CLDN10: variants seen among roughly 807,000 people sequenced by gnomAD.
CLDN10 encodes the protein claudin 10, also known as claudin-10.
In CLDN10, 15 loss-of-function variants were observed where a neutral mutation model predicts 22.9. That is an observed-to-expected ratio of 0.65 (90% CI 0.44 to 1.01). CLDN10 has a LOEUF of 1.01. Ranked by LOEUF, CLDN10 falls within the 50% of genes least tolerant of loss-of-function variation. The pLI, the probability that CLDN10 is intolerant of heterozygous loss-of-function variation, is 0.00. For synonymous variants in CLDN10, 114 were observed against 111.4 expected (o/e 1.02, Z -0.15); for missense variants, 247 against 287.8 (o/e 0.86, Z 1.03).
chr13:95,523,947 T>C (rs2043248554), intron 1 of CLDN10, among the ~76,000 whole-genome samples: 1 of 152,222 alleles, frequency 6.6e-6, no homozygotes, highest in South Asian at 2.1e-4. Flanking sequence ...CAAAATTACC[T>C]TGGTTGGGAA....
intron 1 of CLDN10, among the ~76,000 whole-genome samples, chr13:95,437,565 A>G (rs532606059): frequency 1.3e-5 from 2 of 152,210 alleles, no homozygotes; most frequent in Non-Finnish European, 2.9e-5. Flanking sequence ...ACCTTGGGAC[A>G]GGGGCTGGAT....
chr13:95,497,845 G>T (rs1375233251), intron 1 of CLDN10, among the ~76,000 whole-genome samples: 1 of 151,526 alleles, frequency 6.6e-6, no homozygotes, highest in African/African-American at 2.4e-5. Context: ...TGGAAGGAAA[G>T]AAAAAATCAA....
intron 1 of CLDN10, among the ~76,000 whole-genome samples, chr13:95,517,469 G>T (rs1448918900): frequency 6.6e-6 from 1 of 152,172 alleles, no homozygotes; most frequent in Non-Finnish European, 1.5e-5. Context: ...GTTCCAAAGG[G>T]AACTAAGACA....
intron 3 of CLDN10, among the ~76,000 whole-genome samples, chr13:95,575,919 T>G (rs964351323): frequency 6.6e-6 from 1 of 152,134 alleles, no homozygotes; most frequent in African/African-American, 2.4e-5. Context: ...AATACTGAGG[T>G]TCACTAAAAT....
chr13:95,473,671 G>A (rs866381088), intron 1 of CLDN10, among the ~76,000 whole-genome samples: 3 of 152,224 alleles, frequency 2.0e-5, no homozygotes, highest in Non-Finnish European at 2.9e-5. Flanking sequence ...GCTGAGGACC[G>A]GGTGCCGTCC....
At chr13:95,448,344 C>T (rs1339548444) in intron 1 of CLDN10, among the ~76,000 whole-genome samples, 1 of 152,106 alleles carries the variant, frequency 6.6e-6, no homozygotes, top group African/African-American at 2.4e-5. Context: ...TGTGCATTCA[C>T]CATACAGGCA....
intron 3 of CLDN10, among the ~76,000 whole-genome samples, chr13:95,573,629 G>A (rs1322945796): frequency 6.6e-6 from 1 of 152,044 alleles, no homozygotes; most frequent in Non-Finnish European, 1.5e-5. Context: ...AACTGGAGTG[G>A]ATATTATGTT....
At chr13:95,560,791 T>TG (rs2043699796) in intron 3 of CLDN10, 1 of 232,198 alleles carries the variant, frequency 4.3e-6, no homozygotes, top group Non-Finnish European at 8.5e-6. Context: ...GAAAGAATGA[T>TG]GCGGTGTGCG....
intron 1 of CLDN10, among the ~76,000 whole-genome samples, chr13:95,450,924 C>T (rs984039782): frequency 6.6e-6 from 1 of 152,242 alleles, no homozygotes; most frequent in Non-Finnish European, 1.5e-5. Flanking sequence ...GCGTTGAGAG[C>T]ATTTACTCTG....
At chr13:95,439,811 AAAT>A (rs1022403594) in intron 1 of CLDN10, among the ~76,000 whole-genome samples, 1 of 152,232 alleles carries the variant, frequency 6.6e-6, no homozygotes, top group Non-Finnish European at 1.5e-5. Flanking sequence ...GTCCGTGATT[AAAT>A]AATAATAGTA....
intron 1 of CLDN10, among the ~76,000 whole-genome samples, chr13:95,453,638 T>TGCACCACTGCACTTCAGCCTGG (rs1242140503): frequency 2.0e-5 from 3 of 151,398 alleles, no homozygotes; most frequent in African/African-American, 7.3e-5. Context: ...GAGCTAAGAT[T>TGCACCACTGCACTTCAGCCTGG]GCACCACTGC....
intron 1 of CLDN10, among the ~76,000 whole-genome samples, chr13:95,440,868 C>T (rs1021664883): frequency 1.3e-5 from 2 of 152,224 alleles, no homozygotes; most frequent in Non-Finnish European, 2.9e-5. Flanking sequence ...GTGAAGATGG[C>T]GCTGGAGCGG....
chr13:95,444,113 G>T (rs1274801588), intron 1 of CLDN10, among the ~76,000 whole-genome samples: 1 of 152,164 alleles, frequency 6.6e-6, no homozygotes, highest in Non-Finnish European at 1.5e-5. Context: ...CCTGCTCATT[G>T]CCCATCTGGC....
intron 1 of CLDN10, among the ~76,000 whole-genome samples, chr13:95,450,676 T>C (rs1254678767): frequency 6.6e-6 from 1 of 152,188 alleles, no homozygotes; most frequent in East Asian, 1.9e-4. Flanking sequence ...GCCCAGCCAA[T>C]GCAAAGTCCT....
chr13:95,450,815 TA>T (rs1443715828), intron 1 of CLDN10, among the ~76,000 whole-genome samples: 1 of 152,150 alleles, frequency 6.6e-6, no homozygotes, highest in Non-Finnish European at 1.5e-5. Flanking sequence ...GATCAAATAG[TA>T]AAAAGAAACA....
chr13:95,495,072 G>T (rs934138990), intron 1 of CLDN10, among the ~76,000 whole-genome samples: 1 of 149,556 alleles, frequency 6.7e-6, no homozygotes, highest in African/African-American at 2.5e-5. Flanking sequence ...GTCTCTCTCT[G>T]TTGCCCAGGC....
chr13:95,436,994 C>A (rs745667628), intron 1 of CLDN10, among the ~76,000 whole-genome samples: 4 of 151,934 alleles, frequency 2.6e-5, no homozygotes, highest in Non-Finnish European at 4.4e-5. Context: ...TAGACTTAGG[C>A]CAGATTAAAC....
intron 1 of CLDN10, among the ~76,000 whole-genome samples, chr13:95,467,759 G>GC (rs1312089144): frequency 6.6e-6 from 1 of 152,184 alleles, no homozygotes; most frequent in African/African-American, 2.4e-5. Flanking sequence ...ACCACCTGGA[G>GC]CCCCAAGAGA....
chr13:95,480,084 C>T (rs1594548889), intron 1 of CLDN10: 1 of 152,268 alleles, frequency 6.6e-6, no homozygotes, highest in African/African-American at 2.4e-5. Context: ...AACGTCACAT[C>T]CTACATGGTG....
Sources: gnomAD v4.1 joint callset for allele counts (sites outside exome capture counted in the v4.1 genomes callset) on GRCh38, gnomAD v4.1.1 for gene constraint, MANE v1.5 for transcripts, NCBI Gene and HGNC (gene_info 2026-07-23, HGNC 2026-07-21) for gene names.